The following NBAS variants were observed in gnomAD, a reference collection of about 807,000 sequenced individuals.
NBAS encodes the protein NAG/BC035112 fusion.
Under a neutral mutation model 302.5 loss-of-function variants are expected in NBAS, and 219 were observed. The ratio of observed to expected loss-of-function variants is 0.72; its 90% CI spans 0.65 to 0.81. The LOEUF (loss-of-function observed/expected upper bound fraction) is 0.81, where lower values mean the gene tolerates loss of function less well. Ranked by LOEUF, NBAS falls within the 30% of genes least tolerant of loss-of-function variation. The probability of loss-of-function intolerance (pLI) is 0.00; values close to 1 mark genes in which losing one functional copy is unlikely to be tolerated. For synonymous variants in NBAS, 1,118 were observed against 1,021.6 expected (o/e 1.09, Z -1.80); for missense variants, 2,932 against 2,841.6 (o/e 1.03, Z -0.72).
intron 37 of NBAS, among the ~76,000 whole-genome samples, 153 bp from the exon 38 acceptor site, chr2:15,328,023 A>G (rs1411645735): frequency 6.6e-6 from 1 of 152,154 alleles, no homozygotes; most frequent in East Asian, 1.9e-4. Context: ...ACATTTTTAA[A>G]CAGATTTTAA....
At chr2:15,045,293 C>T in the NBAS span, among the ~76,000 whole-genome samples, 4 of 152,160 alleles carry the variant, frequency 2.6e-5, no homozygotes, top group South Asian at 2.1e-4. Context: ...GAGGAGCTGA[C>T]GCTGAGATCT....
chr2:15,098,305 A>ATATATG, the NBAS span, among the ~76,000 whole-genome samples: 14,758 of 15,532 alleles, frequency 0.95, 7,169 homozygotes, highest in East Asian at 0.98. Context: ...TACAATATAT[A>ATATATG]ATATATTGTA....
At chr2:15,155,536 T>C in the NBAS span, among the ~76,000 whole-genome samples, 1 of 152,202 alleles carries the variant, frequency 6.6e-6, no homozygotes, top group Non-Finnish European at 1.5e-5. Context: ...CTCTGCCCTA[T>C]TTCCTTCCTG....
At chr2:15,397,893 C>T (rs2148418969) in intron 26 of NBAS, 2 of 177,824 alleles carry the variant, frequency 1.1e-5, no homozygotes, top group African/African-American at 4.8e-5. Flanking sequence ...ACAAAAAACC[C>T]TCATTATTTT....
the NBAS span, among the ~76,000 whole-genome samples, chr2:14,869,072 T>A: frequency 6.6e-6 from 1 of 152,198 alleles, no homozygotes; most frequent in African/African-American, 2.4e-5. Context: ...TCTACTTTTG[T>A]GGTCCTCGCA....
intron 11 of NBAS, among the ~76,000 whole-genome samples, chr2:15,498,444 C>A (rs1220649057): frequency 6.6e-6 from 1 of 152,000 alleles, no homozygotes; most frequent in African/African-American, 2.4e-5. Flanking sequence ...AACATGCTGG[C>A]GAGGTTGTGG....
At chr2:15,245,926 T>C (rs1403974357) in intron 44 of NBAS, among the ~76,000 whole-genome samples, 1 of 152,184 alleles carries the variant, frequency 6.6e-6, no homozygotes, top group Non-Finnish European at 1.5e-5. Flanking sequence ...CTAAGGGTTG[T>C]ACAGAAACAG....
the NBAS span, among the ~76,000 whole-genome samples, chr2:15,143,453 G>A: frequency 6.6e-6 from 1 of 152,118 alleles, no homozygotes; most frequent in African/African-American, 2.4e-5. Flanking sequence ...AGAGTCAGTC[G>A]AACATGAAAC....
chr2:15,244,925 G>C (rs1668023020), intron 44 of NBAS, among the ~76,000 whole-genome samples: 1 of 152,070 alleles, frequency 6.6e-6, no homozygotes, highest in Non-Finnish European at 1.5e-5. Context: ...CGTGAGAGAA[G>C]TGTCATGTAT....
At chr2:15,186,652 C>G (rs531864064) in intron 50 of NBAS, 90 bp downstream of exon 50, 18 of 1,578,578 alleles carry the variant, frequency 1.1e-5, no homozygotes, top group Non-Finnish European at 1.5e-5. Flanking sequence ...GCTAAATGTT[C>G]CTCAAATCCA....
the NBAS span, among the ~76,000 whole-genome samples, chr2:15,160,587 GGGGGA>G: frequency 7.7e-6 from 1 of 129,148 alleles, no homozygotes; most frequent in Admixed American, 7.5e-5. Context: ...AGTGTGGGCG[GGGGGA>G]GGGGGGGGGG....
the NBAS span, among the ~76,000 whole-genome samples, chr2:14,946,486 A>T: frequency 4.5e-4 from 69 of 152,326 alleles, no homozygotes; most frequent in Admixed American, 1.7e-3. Flanking sequence ...CAGAAAGAAG[A>T]TATGACAATT....
the NBAS span, among the ~76,000 whole-genome samples, chr2:15,094,622 C>T: frequency 6.6e-6 from 1 of 152,192 alleles, no homozygotes; most frequent in African/African-American, 2.4e-5. Context: ...CTTTAAGTTC[C>T]AGCCTGGCAG....
At chr2:15,346,319 C>A (rs1028054569) in intron 35 of NBAS, among the ~76,000 whole-genome samples, 1 of 151,730 alleles carries the variant, frequency 6.6e-6, no homozygotes, top group East Asian at 1.9e-4. Context: ...ACAAAAAAAA[C>A]AACCCCATCA....
chr2:14,989,419 T>C, the NBAS span, among the ~76,000 whole-genome samples: 1 of 151,718 alleles, frequency 6.6e-6, no homozygotes, highest in Non-Finnish European at 1.5e-5. Flanking sequence ...TTAGCCAGGC[T>C]TGGTGGCGCA....
intron 44 of NBAS, among the ~76,000 whole-genome samples, chr2:15,259,077 C>T (rs574112099): frequency 7.9e-5 from 12 of 152,038 alleles, no homozygotes; most frequent in African/African-American, 2.2e-4. Flanking sequence ...TGGGTTCCCC[C>T]GATACATCAA....
intron 12 of NBAS, among the ~76,000 whole-genome samples, chr2:15,488,398 A>G (rs1048740356): frequency 6.6e-6 from 1 of 152,138 alleles, no homozygotes; most frequent in Non-Finnish European, 1.5e-5. Context: ...TCTAATCCTT[A>G]AAACCTATCA....
At chr2:15,328,446 C>A in intron 36 of NBAS, 134 bp from the exon 37 acceptor site, 1 of 741,638 alleles carries the variant, frequency 1.3e-6, no homozygotes, top group Non-Finnish European at 2.3e-6. Flanking sequence ...GTAATGCCTG[C>A]TGCATTTCCC....
At chr2:15,216,970 G>T (rs1666681193) in intron 48 of NBAS, among the ~76,000 whole-genome samples, 1 of 152,232 alleles carries the variant, frequency 6.6e-6, no homozygotes, top group Non-Finnish European at 1.5e-5. Context: ...CAGGACCAGA[G>T]TCAGAACCTA....
Sources: gnomAD v4.1 joint callset for allele counts (sites outside exome capture counted in the v4.1 genomes callset) on GRCh38, gnomAD v4.1.1 for gene constraint, MANE v1.5 for transcripts, NCBI Gene and HGNC (gene_info 2026-07-23, HGNC 2026-07-21) for gene names.